Variants in SETBP1 observed in about 807,000 individuals in gnomAD.
SETBP1 encodes SET binding protein 1, also known as SET-binding protein.
In SETBP1, 9 loss-of-function variants were observed where a neutral mutation model predicts 101.0. That is an observed-to-expected ratio of 0.09 (90% CI 0.05 to 0.16). The LOEUF (loss-of-function observed/expected upper bound fraction) is 0.16, where lower values mean the gene tolerates loss of function less well. Ranked by LOEUF, SETBP1 falls within the 10% of genes least tolerant of loss-of-function variation. SETBP1 has a pLI of 1.00. For synonymous variants in SETBP1, 818 were observed against 788.5 expected (o/e 1.04, Z -0.63); for missense variants, 1,858 against 2,033.8 (o/e 0.91, Z 1.66).
chr18:45,061,871 T>C (rs2073895462), intron 5 of SETBP1, among the ~76,000 whole-genome samples: 1 of 152,244 alleles, frequency 6.6e-6, no homozygotes, highest in Admixed American at 6.5e-5. Flanking sequence ...GCGTAGGTCT[T>C]CCACATGGGC....
chr18:45,029,789 G>T (rs60320326), intron 4 of SETBP1, among the ~76,000 whole-genome samples: 1 of 151,744 alleles, frequency 6.6e-6, no homozygotes, highest in Non-Finnish European at 1.5e-5. Context: ...ACGGGAGTTC[G>T]CTCATGATTT....
intron 4 of SETBP1, among the ~76,000 whole-genome samples, chr18:45,010,395 A>G (rs1276340094): frequency 6.6e-6 from 1 of 152,202 alleles, no homozygotes; most frequent in Non-Finnish European, 1.5e-5. Context: ...TACTTTTGTA[A>G]ATTACATATG....
chr18:45,032,068 T>G (rs2073308088), intron 4 of SETBP1, among the ~76,000 whole-genome samples: 1 of 152,180 alleles, frequency 6.6e-6, no homozygotes, highest in Non-Finnish European at 1.5e-5. Context: ...TACCCAACTT[T>G]TAATATTGAG....
chr18:44,883,033 G>A lies in SETBP1; in HGVS notation c.540+13750G>A, dbSNP rs1287094676. The stretch of plus-strand genomic sequence containing the variant: ...TATGAAGCAGTGAATGGAGGGGAGG[G>A]CACCAAATCTTGCCACATGTACCCA... On this transcript the variant is annotated intron_variant, in intron 3 of 5. Transcript: ENST00000649279. Among the ~76,000 whole-genome samples, 3 of 152,148 alleles carry A rather than the reference G, an allele frequency of 2.0e-5. No individual in the cohort carries two copies. In the East Asian group the frequency reaches 5.8e-4, roughly 29 times the overall value.
At chr18:44,927,121 T>C (rs932375562) in intron 3 of SETBP1, among the ~76,000 whole-genome samples, 1 of 152,238 alleles carries the variant, frequency 6.6e-6, no homozygotes, top group African/African-American at 2.4e-5. Flanking sequence ...TCTCTTCATC[T>C]GTAAAATAGG....
intron 2 of SETBP1, among the ~76,000 whole-genome samples, chr18:44,860,733 G>A (rs998470375): frequency 6.7e-6 from 1 of 148,256 alleles, no homozygotes; most frequent in Non-Finnish European, 1.5e-5. Context: ...GGTGACAAGA[G>A]TGAAACTTCA....
chr18:44,806,568 C>T (rs1021666107), intron 2 of SETBP1, among the ~76,000 whole-genome samples: 1 of 134,780 alleles, frequency 7.4e-6, no homozygotes, highest in Non-Finnish European at 1.5e-5. Flanking sequence ...AACTAGCCTA[C>T]GTTTTCTGAC....
At chr18:44,769,556 T>G (rs1463366972) in intron 2 of SETBP1, among the ~76,000 whole-genome samples, 4 of 152,254 alleles carry the variant, frequency 2.6e-5, no homozygotes, top group African/African-American at 9.6e-5. Flanking sequence ...CTTTCTTCTT[T>G]TCTTCTATGT....
intron 1 of SETBP1, among the ~76,000 whole-genome samples, chr18:44,688,214 G>A (rs2068868789): frequency 6.6e-6 from 1 of 152,172 alleles, no homozygotes; most frequent in African/African-American, 2.4e-5. Context: ...TTAGTAAACA[G>A]CAATTTCTTC....
chr18:44,912,710 C>A (rs1369607356), intron 3 of SETBP1, among the ~76,000 whole-genome samples: 1 of 152,114 alleles, frequency 6.6e-6, no homozygotes, highest in Non-Finnish European at 1.5e-5. Flanking sequence ...AGCCACCGTG[C>A]CTGGCCAGAA....
At chr18:44,829,561 G>A (rs1290212012) in intron 2 of SETBP1, among the ~76,000 whole-genome samples, 1 of 152,014 alleles carries the variant, frequency 6.6e-6, no homozygotes, top group African/African-American at 2.4e-5. Context: ...GTTCTGTTTC[G>A]GCAACATGAC....
chr18:45,063,539 A>AC lies in SETBP1; in HGVS notation c.4635dup (p.Lys1546GlnfsTer46). Reference sequence around the variant, plus strand: ...CACCCCTGCCCCCGCCACCCCCTCTACCCAAGACCCCCCGAGGCGGAAAGA... The same window carrying AC: ...CACCCCTGCCCCCGCCACCCCCTCTACCCCAAGACCCCCCGAGGCGGAAAGA... On this transcript the variant is annotated frameshift_variant, in exon 6 of 6. Coordinates refer to ENST00000649279, the MANE Select transcript of SETBP1 (RefSeq NM_015559.3). LOFTEE classifies it high-confidence loss of function. 9.4e-7 allele frequency: 1 copy of AC among 1,061,350 alleles called. No homozygotes were observed. Among genetic ancestry groups the AC allele is most frequent in the Non-Finnish European group, 1.2e-6 (1 of 848,626 alleles). The allele number at this position is 1,061,350 out of a possible 1,614,324, so 65.7% of individuals were successfully genotyped here. A position where few individuals can be genotyped will look rare whatever the true frequency, so the allele number is the denominator to read the frequency against.
intron 4 of SETBP1, among the ~76,000 whole-genome samples, chr18:44,964,115 A>G (rs911776238): frequency 1.3e-5 from 2 of 152,118 alleles, no homozygotes; most frequent in Non-Finnish European, 2.9e-5. Context: ...CTGTGGTTCA[A>G]AGCCTATCTG....
At chr18:44,852,821 C>G (rs2072900089) in intron 2 of SETBP1, among the ~76,000 whole-genome samples, 1 of 152,162 alleles carries the variant, frequency 6.6e-6, no homozygotes. Flanking sequence ...TGGAGAGTGT[C>G]CTGAGTGTAT....
At position 45,063,580 on chromosome 18, in the gene SETBP1, A is replaced by T. The variant is rs764152367; in HGVS notation, c.4673A>T (p.Gln1558Leu). The T allele has an allele frequency of 3.8e-5, 56 of 1,464,948 alleles. No individual in the cohort carries two copies. The East Asian group carries it at 1.6e-3, about 42-fold the overall frequency. The allele number at this position is 1,464,948 out of a possible 1,614,324, so 90.7% of individuals were successfully genotyped here. A position where few individuals can be genotyped will look rare whatever the true frequency, so the allele number is the denominator to read the frequency against. The change falls in exon 6 of 6, where the codon CAG becomes CTG. Residue 1558 changes from glutamine (Q) to leucine (L), a missense_variant. Physicochemically the swap from Gln to Leu is moderately radical, Grantham distance 113. This residue lies in a region of SETBP1 where 178 missense variants were observed against 189.1 expected (regional missense o/e 0.94). Coordinates refer to ENST00000649279, the MANE Select transcript of SETBP1 (RefSeq NM_015559.3). ...PRGGKRKHKP[Q>L]APAQPPQQSP... The stretch of plus-strand genomic sequence containing the variant: ...GGCGGAAAGAGGAAACACAAACCGC[A>T]GGCCCCCGCTCAGCCCCCACAGCAG...
chr18:44,945,422 T>G (rs977728838), intron 3 of SETBP1, among the ~76,000 whole-genome samples: 1 of 152,236 alleles, frequency 6.6e-6, no homozygotes, highest in Non-Finnish European at 1.5e-5. Flanking sequence ...GAAGAAATAC[T>G]GTAAGCACAA....
At chr18:44,721,442 A>G (rs947996541) in intron 2 of SETBP1, among the ~76,000 whole-genome samples, 2 of 152,154 alleles carry the variant, frequency 1.3e-5, no homozygotes, top group African/African-American at 2.4e-5. Context: ...TCATGTGAGA[A>G]GGTTTGGATT....
At chr18:44,741,016 A>T (rs2070085722) in intron 2 of SETBP1, among the ~76,000 whole-genome samples, 2 of 152,256 alleles carry the variant, frequency 1.3e-5, no homozygotes, top group African/African-American at 4.8e-5. Flanking sequence ...TATAGAAACT[A>T]AAAGTGACTT....
chr18:44,851,391 G>A (rs571363822), intron 2 of SETBP1, among the ~76,000 whole-genome samples: 25 of 152,320 alleles, frequency 1.6e-4, no homozygotes, highest in African/African-American at 5.8e-4. Flanking sequence ...GGTCTGGGCT[G>A]AGATCTTGCT....
Sources: allele counts gnomAD v4.1 joint callset (sites outside exome capture counted in the v4.1 genomes callset), GRCh38; gene constraint gnomAD v4.1.1; regional missense constraint gnomAD v4.1.1; transcripts MANE v1.5; gene names NCBI Gene and HGNC (gene_info 2026-07-23, HGNC 2026-07-21).